NKAIN2: variants seen among roughly 807,000 people sequenced by gnomAD.
The protein encoded by NKAIN2 is sodium/potassium-transporting ATPase subunit beta-1-interacting protein 2.
Under a neutral mutation model 32.6 loss-of-function variants are expected in NKAIN2, and 14 were observed. That is an observed-to-expected ratio of 0.43 (90% confidence interval 0.28 to 0.67). The LOEUF is 0.67. NKAIN2 is among the 30% of genes least tolerant of loss of function. NKAIN2 has a pLI of 0.17. For missense variants in NKAIN2, 198 were observed against 258.3 expected (o/e 0.77, Z 1.60); for synonymous variants, 80 against 87.2 (o/e 0.92, Z 0.46).
intron 3 of NKAIN2, among the ~76,000 whole-genome samples, chr6:124,435,003 A>G (rs1005778395): frequency 1.1e-4 from 17 of 152,190 alleles, no homozygotes; most frequent in Non-Finnish European, 2.9e-5. Flanking sequence ...TTACTTATTA[A>G]TCAAGAGAAC....
At chr6:123,916,777 G>A (rs542444701) in intron 1 of NKAIN2, among the ~76,000 whole-genome samples, 1 of 149,186 alleles carries the variant, frequency 6.7e-6, no homozygotes, top group African/African-American at 2.5e-5. Flanking sequence ...TCTTATCTAT[G>A]TATCTATGTA....
chr6:123,859,878 A>G (rs1387348939), intron 1 of NKAIN2, among the ~76,000 whole-genome samples: 2 of 152,038 alleles, frequency 1.3e-5, no homozygotes, highest in Non-Finnish European at 2.9e-5. Context: ...TTTAGTAGAA[A>G]CGGAGTTTTG....
chr6:124,078,204 A>G (rs566393481), intron 1 of NKAIN2, among the ~76,000 whole-genome samples: 10 of 152,170 alleles, frequency 6.6e-5, no homozygotes, highest in Non-Finnish European at 1.3e-4. Flanking sequence ...TTTCATTTCC[A>G]TATGTAATGT....
Position 123,918,590 on chromosome 6 carries a change from A to G in NKAIN2, c.54+114336A>G, listed in dbSNP as rs140195448. ...ATGGCACCCAGGTATTTGAGCAGAC[A>G]TTATTCTAGATATTTCTGTTAAGGT... On this transcript the variant is annotated intron_variant, in intron 1 of 6. Coordinates refer to ENST00000368417, the MANE Select transcript of NKAIN2 (RefSeq NM_001040214.3). Among the ~76,000 whole-genome samples the G allele has an allele frequency of 5.0e-3, 764 of 152,294 alleles. 10 individuals are homozygous for G. Among genetic ancestry groups the G allele is most frequent in the African/African-American group, 0.016 (654 of 41,586 alleles).
intron 5 of NKAIN2, among the ~76,000 whole-genome samples, chr6:124,815,225 C>CATATATATATATATATATATATAT (rs56841213): frequency 6.4e-4 from 88 of 136,970 alleles, no homozygotes; most frequent in African/African-American, 2.2e-3. Flanking sequence ...TATATATATA[C>CATATATATATATATATATATATAT]ATATATATAT....
At chr6:123,899,447 A>C (rs560016435) in intron 1 of NKAIN2, among the ~76,000 whole-genome samples, 1 of 152,144 alleles carries the variant, frequency 6.6e-6, no homozygotes, top group Admixed American at 6.5e-5. Context: ...TCATGATCAC[A>C]GTAAAGTTCT....
chr6:124,527,302 G>A (rs1194772392), intron 3 of NKAIN2, among the ~76,000 whole-genome samples: 1 of 152,000 alleles, frequency 6.6e-6, no homozygotes, highest in Non-Finnish European at 1.5e-5. Flanking sequence ...AGAATGTCAG[G>A]AAAAATATTA....
intron 1 of NKAIN2, among the ~76,000 whole-genome samples, chr6:123,987,398 T>G (rs754447884): frequency 6.6e-5 from 10 of 152,182 alleles, no homozygotes; most frequent in Non-Finnish European, 1.2e-4. Context: ...AATGTGTATG[T>G]ATTGGATTTA....
chr6:124,433,862 A>G (rs1294323207), intron 3 of NKAIN2, among the ~76,000 whole-genome samples: 1 of 152,084 alleles, frequency 6.6e-6, no homozygotes, highest in Non-Finnish European at 1.5e-5. Context: ...CCACTTGTAA[A>G]CCACAAAAGC....
chr6:124,432,817 G>C (rs549286408), intron 3 of NKAIN2, among the ~76,000 whole-genome samples: 1 of 151,966 alleles, frequency 6.6e-6, no homozygotes, highest in East Asian at 1.9e-4. Flanking sequence ...TCTCTTAAGA[G>C]GTCTCTCCAG....
intron 3 of NKAIN2, among the ~76,000 whole-genome samples, chr6:124,603,619 T>A (rs1191213698): frequency 1.3e-5 from 2 of 151,940 alleles, no homozygotes; most frequent in East Asian, 3.9e-4. Flanking sequence ...TTACTATTCC[T>A]CATGGAGCTG....
chr6:124,466,197 CT>C (rs1776747639), intron 3 of NKAIN2, among the ~76,000 whole-genome samples: 1 of 152,048 alleles, frequency 6.6e-6, no homozygotes, highest in Non-Finnish European at 1.5e-5. Flanking sequence ...CAAATAAGTT[CT>C]TCTCCAAGTT....
intron 1 of NKAIN2, among the ~76,000 whole-genome samples, chr6:123,990,485 C>T (rs527737034): frequency 1.2e-4 from 19 of 152,198 alleles, no homozygotes; most frequent in African/African-American, 3.6e-4. Flanking sequence ...GGTTACATTA[C>T]GTTGTAAGAC....
At chr6:124,714,480 A>T (rs1263061578) in intron 4 of NKAIN2, among the ~76,000 whole-genome samples, 1 of 152,134 alleles carries the variant, frequency 6.6e-6, no homozygotes, top group Admixed American at 6.5e-5. Context: ...TTCATTTTTC[A>T]CTGGTGAAAA....
At chr6:124,798,008 C>T (rs1780079767) in intron 5 of NKAIN2, among the ~76,000 whole-genome samples, 1 of 151,778 alleles carries the variant, frequency 6.6e-6, no homozygotes, top group Admixed American at 6.6e-5. Flanking sequence ...TTCTTACCTT[C>T]CTTCCTTCCT....
At chr6:123,956,152 C>T (rs1295901076) in intron 1 of NKAIN2, among the ~76,000 whole-genome samples, 1 of 151,896 alleles carries the variant, frequency 6.6e-6, no homozygotes, top group Non-Finnish European at 1.5e-5. Context: ...TTTAAAAATA[C>T]ATGGATGCTT....
intron 4 of NKAIN2, among the ~76,000 whole-genome samples, chr6:124,788,486 T>C (rs1779602146): frequency 6.6e-6 from 1 of 152,014 alleles, no homozygotes; most frequent in Non-Finnish European, 1.5e-5. Flanking sequence ...TTAAATTGAC[T>C]CACACTTCAG....
intron 3 of NKAIN2, among the ~76,000 whole-genome samples, chr6:124,490,868 A>T (rs1293525471): frequency 6.6e-6 from 1 of 151,812 alleles, no homozygotes; most frequent in Non-Finnish European, 1.5e-5. Context: ...TTCAAAATTG[A>T]TGATGTTTTC....
intron 3 of NKAIN2, among the ~76,000 whole-genome samples, chr6:124,647,160 G>A (rs1314038237): frequency 6.6e-6 from 1 of 151,868 alleles, no homozygotes; most frequent in African/African-American, 2.4e-5. Context: ...CTAAAATCAT[G>A]ATAGTAATTA....
Sources: allele counts gnomAD v4.1 joint callset (sites outside exome capture counted in the v4.1 genomes callset), GRCh38; gene constraint gnomAD v4.1.1; transcripts MANE v1.5; gene names NCBI Gene and HGNC (gene_info 2026-07-23, HGNC 2026-07-21).